Variants in CFAP20DC observed in about 807,000 individuals in gnomAD.
The protein encoded by CFAP20DC is CFAP20 domain containing.
Under a neutral mutation model 101.7 loss-of-function variants are expected in CFAP20DC, and 84 were observed. The ratio of observed to expected loss-of-function variants is 0.83; its 90% CI spans 0.69 to 0.99. The LOEUF is 0.99. CFAP20DC is among the 50% of genes least tolerant of loss of function. The pLI is 0.00. For missense variants in CFAP20DC, 1,007 were observed against 970.3 expected (o/e 1.04, Z -0.50); for synonymous variants, 359 against 351.2 (o/e 1.02, Z -0.25).
chr3:58,976,438 G>A (rs958912560), intron 4 of CFAP20DC, among the ~76,000 whole-genome samples: 4 of 152,186 alleles, frequency 2.6e-5, no homozygotes, highest in Admixed American at 2.6e-4. Context: ...CACCAGCTGA[G>A]GAAAGCTATG....
intron 12 of CFAP20DC, chr3:58,862,846 A>T (rs1251629310): frequency 2.0e-6 from 2 of 985,196 alleles, no homozygotes; most frequent in African/African-American, 3.5e-5. Context: ...ATGCTGAAGA[A>T]AATCCACGAC....
intron 14 of CFAP20DC, among the ~76,000 whole-genome samples, chr3:58,806,920 C>T (rs982472100): frequency 1.1e-4 from 17 of 152,146 alleles, no homozygotes; most frequent in Admixed American, 3.9e-4. Flanking sequence ...GATTATATCC[C>T]GCACATGGCT....
At chr3:58,809,553 G>T (rs1025014394) in intron 14 of CFAP20DC, among the ~76,000 whole-genome samples, 2 of 151,968 alleles carry the variant, frequency 1.3e-5, no homozygotes, top group Non-Finnish European at 2.9e-5. Flanking sequence ...ATTCAAAGCA[G>T]TGTGTAGAGG....
chr3:58,827,295 T>C (rs2076104858), intron 14 of CFAP20DC, among the ~76,000 whole-genome samples: 1 of 151,428 alleles, frequency 6.6e-6, no homozygotes, highest in African/African-American at 2.4e-5. Context: ...ATTTTCTAAA[T>C]AGAGAAGGAG....
intron 13 of CFAP20DC, among the ~76,000 whole-genome samples, chr3:58,833,188 T>G (rs2076512533): frequency 1.3e-5 from 2 of 152,184 alleles, no homozygotes; most frequent in South Asian, 4.1e-4. Context: ...AAAAGCTTGT[T>G]ATCTGATAAT....
rs1700175707 is a variant in CFAP20DC at position 59,049,863 on chromosome 3, G to A, written c.-232C>T. 1 of 591,554 alleles carries A rather than the reference G, an allele frequency of 1.7e-6. No homozygotes were observed. The highest frequency in any genetic ancestry group is 1.9e-5 in the African/African-American group (1 of 53,472). The allele number at this position is 591,554 out of a possible 1,614,324, so 36.6% of individuals were successfully genotyped here. On this transcript the variant is annotated 5_prime_UTR_variant, in exon 1 of 17. Transcript: ENST00000482387. ...GCGGCTCCAGCCTCCGCGGTGCCCG[G>A]GTCTGGGGAGGGCGCAGCTGCCTGG...
chr3:58,730,331 C>T (rs537922840), intron 3 of CFAP20DC, among the ~76,000 whole-genome samples: 1 of 152,294 alleles, frequency 6.6e-6, no homozygotes, highest in Admixed American at 6.5e-5. Flanking sequence ...CAAAACATCA[C>T]ATTGTACTTC....
chr3:58,930,979 C>T (rs572532355), intron 5 of CFAP20DC, among the ~76,000 whole-genome samples: 9 of 152,014 alleles, frequency 5.9e-5, no homozygotes, highest in Non-Finnish European at 8.8e-5. Flanking sequence ...TTGCCTCACT[C>T]GGGAAGCACA....
chr3:58,860,206 G>GA lies in CFAP20DC; in HGVS notation c.1593+3351dup, dbSNP rs1240939381. On this transcript the variant is annotated intron_variant, in intron 12 of 16. Coordinates refer to ENST00000482387, the MANE Select transcript of CFAP20DC (RefSeq NM_001394063.1). ...AAAAAAAAAAAAAAGAAAGAAAAAA[G>GA]AAAAAAAAATCATTACTCAAGTATG... Among the ~76,000 whole-genome samples the GA allele has an allele frequency of 6.3e-3, 884 of 140,108 alleles. 12 individuals are homozygous for GA. The highest frequency in any genetic ancestry group is 0.011 in the Non-Finnish European group (697 of 64,022). The allele number at this position is 140,108 out of a possible 152,430, so 91.9% of individuals were successfully genotyped here.
At chr3:59,027,431 A>C (rs1035390064) in intron 4 of CFAP20DC, among the ~76,000 whole-genome samples, 1 of 152,164 alleles carries the variant, frequency 6.6e-6, no homozygotes, top group Non-Finnish European at 1.5e-5. Flanking sequence ...TCCAAACAGC[A>C]CATGATGCAC....
Position 58,866,591 on chromosome 3 carries a change from T to C in CFAP20DC, c.1233A>G (p.Leu411=). ...QGAELLNSGT[L]GPQSPDQSDE... ...CTGATTGATCAGGAGACTGGGGTCC[T>C]AGAGTGCCGGAGTTCAACAGCTCTG... The change falls in exon 11 of 17, where the codon CTA becomes CTG. Residue 411 remains leucine, a synonymous_variant. Transcript: ENST00000482387. 5.6e-6 allele frequency: 9 copies of C among 1,612,732 alleles called. No homozygotes were observed. Among genetic ancestry groups the C allele is most frequent in the Non-Finnish European group, 7.6e-6 (9 of 1,179,188 alleles).
intron 13 of CFAP20DC, among the ~76,000 whole-genome samples, chr3:58,835,206 G>A (rs1483921884): frequency 6.6e-6 from 1 of 152,132 alleles, no homozygotes; most frequent in African/African-American, 2.4e-5. Flanking sequence ...AGGGAGACCT[G>A]AGAGGTATTA....
chr3:58,833,525 T>A (rs1443774555), intron 13 of CFAP20DC, among the ~76,000 whole-genome samples: 1 of 152,076 alleles, frequency 6.6e-6, no homozygotes, highest in East Asian at 1.9e-4. Context: ...CACAATGAGA[T>A]ACCTTCACAC....
At chr3:58,792,207 C>T (rs1454943973) in intron 15 of CFAP20DC, among the ~76,000 whole-genome samples, 1 of 152,164 alleles carries the variant, frequency 6.6e-6, no homozygotes, top group Non-Finnish European at 1.5e-5. Context: ...AAGTTCTTCA[C>T]TGTATATGTA....
rs1326541666 is a variant in CFAP20DC, at chr3:59,015,962, G to C, written c.278+23595C>G. ...CAGTACCAATGGATGCCCAGGCTGG[G>C]ACAAAATGCTGGGAAGAAGCCAGAT... On this transcript the variant is annotated intron_variant, in intron 4 of 16. Coordinates refer to ENST00000482387, the MANE Select transcript of CFAP20DC (RefSeq NM_001394063.1). This position sits in a 1 kb window ranked among gnomAD's most constrained non-coding sequence, Gnocchi z 5.4. Among the ~76,000 whole-genome samples the C allele has an allele frequency of 6.6e-6, 1 of 152,118 alleles. No individual in the cohort carries two copies. The highest frequency in any genetic ancestry group is 1.5e-5 in the Non-Finnish European group (1 of 68,006).
At chr3:58,740,206 CAG>C (rs1354859288), downstream of CFAP20DC, among the ~76,000 whole-genome samples, 8 of 152,150 alleles carry the variant, frequency 5.3e-5, no homozygotes, top group East Asian at 1.2e-3. This position sits in a 1 kb window ranked among gnomAD's most constrained non-coding sequence, Gnocchi z 4.6. Flanking sequence ...CAAAATCAAT[CAG>C]AGATGAGCGG....
chr3:59,003,639 A>G, intron 4 of CFAP20DC, among the ~76,000 whole-genome samples: 1 of 152,198 alleles, frequency 6.6e-6, no homozygotes, highest in East Asian at 1.9e-4. Context: ...GACATCTGTT[A>G]TCTGTTTTCC....
At chr3:58,995,177 T>C (rs2093074103) in intron 4 of CFAP20DC, among the ~76,000 whole-genome samples, 1 of 152,174 alleles carries the variant, frequency 6.6e-6, no homozygotes, top group South Asian at 2.1e-4. Context: ...ATAAAGATAT[T>C]AGGAGATACA....
rs1047633926 is a variant in CFAP20DC at position 58,899,433 on chromosome 3, C to A, written c.550+14275G>T. Among the ~76,000 whole-genome samples the A allele has an allele frequency of 1.4e-4, 21 of 152,156 alleles. No homozygotes were observed. The highest frequency in any genetic ancestry group is 5.1e-4 in the African/African-American group (21 of 41,432). On this transcript the variant is annotated intron_variant, in intron 6 of 16. Transcript: ENST00000482387. The surrounding 1 kb of genome is among the most constrained non-coding windows in gnomAD (Gnocchi z 5.0). ...TTTGTGAGACACTGTGGAAGGGGGG[C>A]CTGCAGAACATGCTGCTTGGCTTCC...
Sources: allele counts gnomAD v4.1 joint callset (sites outside exome capture counted in the v4.1 genomes callset), GRCh38; gene constraint gnomAD v4.1.1; non-coding constraint Gnocchi (gnomAD v3.1); transcripts MANE v1.5; gene names NCBI Gene and HGNC (gene_info 2026-07-23, HGNC 2026-07-21).